SLC6A5: variants seen among roughly 807,000 people sequenced by gnomAD.
SLC6A5 encodes the protein solute carrier family 6 member 5, also known as sodium- and chloride-dependent glycine transporter 2.
Under a neutral mutation model 90.5 loss-of-function variants are expected in SLC6A5, and 58 were observed. The observed-to-expected ratio is 0.64, with a 90% CI of 0.52 to 0.80. The LOEUF (loss-of-function observed/expected upper bound fraction) is 0.80, where lower values mean the gene tolerates loss of function less well. SLC6A5 is among the 30% of genes least tolerant of loss of function. The probability of loss-of-function intolerance (pLI) is 0.00; values close to 1 mark genes in which losing one functional copy is unlikely to be tolerated. For synonymous variants in SLC6A5, 427 were observed against 401.4 expected, an observed-to-expected ratio of 1.06 and a Z score of -0.76; for missense variants, 1,015 against 1,017.6, an observed-to-expected ratio of 1.00 and a Z score of 0.03.
chr11:20,638,381 G>T (rs1463616495), intron 12 of SLC6A5, 78 bp from the exon 13 acceptor site: 2 of 871,956 alleles, frequency 2.3e-6, no homozygotes, highest in Admixed American at 1.7e-5. Flanking sequence ...AGGATTGAGA[G>T]AACTGGCTGT....
At chr11:20,627,306 G>A (rs189139622) in intron 8 of SLC6A5, among the ~76,000 whole-genome samples, 102 of 152,254 alleles carry the variant, frequency 6.7e-4, no homozygotes, top group Middle Eastern at 3.4e-3. Context: ...CTTTGTCTTT[G>A]CATATTCTGT....
chr11:20,611,432 G>C (rs761285457), intron 5 of SLC6A5, among the ~76,000 whole-genome samples: 2 of 152,204 alleles, frequency 1.3e-5, no homozygotes, highest in African/African-American at 2.4e-5. Context: ...CCTAGCCTGG[G>C]TGACACAGTG....
intron 5 of SLC6A5, among the ~76,000 whole-genome samples, chr11:20,613,971 CAT>C (rs199620956): frequency 0.017 from 2,537 of 152,310 alleles, 45 homozygotes; most frequent in Middle Eastern, 0.037. Context: ...AGACTTGCCA[CAT>C]GTTTCCTGGA....
intron 10 of SLC6A5, 137 bp downstream of exon 10, chr11:20,630,952 A>T (rs903941314): frequency 8.4e-6 from 8 of 949,476 alleles, no homozygotes; most frequent in Admixed American, 8.0e-5. Flanking sequence ...TTCTTTACAG[A>T]GGGACCAAGG....
chr11:20,643,268 T>C (rs543380022), intron 13 of SLC6A5, among the ~76,000 whole-genome samples: 3 of 152,042 alleles, frequency 2.0e-5, no homozygotes, highest in African/African-American at 7.2e-5. Flanking sequence ...CTGCTGTTGG[T>C]GCTTTATATA....
chr11:20,609,073 C>T (rs957343887), intron 5 of SLC6A5, among the ~76,000 whole-genome samples: 3 of 151,958 alleles, frequency 2.0e-5, no homozygotes, highest in Non-Finnish European at 4.4e-5. Context: ...CTCTGGCTTC[C>T]AGTCTGGCTC....
intron 10 of SLC6A5, among the ~76,000 whole-genome samples, chr11:20,631,486 T>G (rs375135412): frequency 6.6e-6 from 1 of 152,224 alleles, no homozygotes; most frequent in African/African-American, 2.4e-5. Context: ...AGAGCTTTCA[T>G]TTTTATTTCA....
chr11:20,605,575 G>C (rs1852563025), intron 3 of SLC6A5, among the ~76,000 whole-genome samples: 1 of 152,246 alleles, frequency 6.6e-6, no homozygotes, highest in Non-Finnish European at 1.5e-5. Context: ...CTCAGGCCAG[G>C]ATGCTACAAC....
At chr11:20,638,397 G>A (rs1159930339) in intron 12 of SLC6A5, 62 bp from the exon 13 acceptor site, 8 of 1,003,902 alleles carry the variant, frequency 8.0e-6, no homozygotes, top group Admixed American at 6.8e-5. Context: ...GCTGTTAAAC[G>A]TGGGAAGAGA....
At chr11:20,635,316 T>G (rs1349762939) in intron 10 of SLC6A5, among the ~76,000 whole-genome samples, 1 of 152,180 alleles carries the variant, frequency 6.6e-6, no homozygotes, top group East Asian at 1.9e-4. Context: ...GTTGCACAGA[T>G]GGTAAGTCAC....
In SLC6A5 at chr11:20,607,523, T is replaced by C. The variant is rs752732733; in HGVS notation, c.856T>C (p.Tyr286His). Residue 286 changes from tyrosine to histidine, a missense_variant, in exon 5 of 16, where the codon TAC (tyrosine) becomes CAC (histidine). By Grantham distance (83) the Tyr-to-His change is moderately conservative. Around this residue, in one of 3 missense-constraint regions of SLC6A5, gnomAD observed 567 missense variants for 507.3 expected, o/e 1.12. Coordinates refer to ENST00000525748, the MANE Select transcript of SLC6A5 (RefSeq NM_004211.5). ...MLIISVLIAI[Y>H]YNVIICYTLF... ...GATCATCTCTGTCCTAATAGCCATA[T>C]ACTACAATGTGATTATTTGCTATAC... 9 of 1,614,112 alleles carry C rather than the reference T, an allele frequency of 5.6e-6. No individual in the cohort carries two copies. The highest frequency in any genetic ancestry group is 1.1e-5 in the South Asian group (1 of 91,092).
chr11:20,627,348 C>G (rs1327873772), intron 8 of SLC6A5, among the ~76,000 whole-genome samples: 1 of 152,166 alleles, frequency 6.6e-6, no homozygotes, highest in East Asian at 1.9e-4. Context: ...ATTTCCAATT[C>G]AAAAACTACA....
intron 3 of SLC6A5, among the ~76,000 whole-genome samples, chr11:20,604,735 G>A (rs916485590): frequency 5.3e-5 from 8 of 152,170 alleles, no homozygotes; most frequent in Non-Finnish European, 7.3e-5. Flanking sequence ...TAGCGGTCAA[G>A]TGTTCAGAGA....
intron 13 of SLC6A5, among the ~76,000 whole-genome samples, chr11:20,644,181 T>C (rs1274701928): frequency 6.6e-6 from 1 of 152,228 alleles, no homozygotes; most frequent in African/African-American, 2.4e-5. Context: ...CATATACTTA[T>C]CATTTATTCC....
At chr11:20,626,916 A>G (rs1853008247) in intron 8 of SLC6A5, 74 bp downstream of exon 8, 1 of 1,244,296 alleles carries the variant, frequency 8.0e-7, no homozygotes, top group African/African-American at 1.5e-5. Context: ...AAAGGGTTAG[A>G]CTTCCTCCTC....
At chr11:20,628,675 T>C (rs1853049729) in intron 9 of SLC6A5, among the ~76,000 whole-genome samples, 1 of 152,214 alleles carries the variant, frequency 6.6e-6, no homozygotes, top group Non-Finnish European at 1.5e-5. Context: ...TAACAGACTA[T>C]GGTATTTAAA....
At chr11:20,612,492 T>C (rs1018768596) in intron 5 of SLC6A5, among the ~76,000 whole-genome samples, 1 of 152,326 alleles carries the variant, frequency 6.6e-6, no homozygotes, top group East Asian at 1.9e-4. Flanking sequence ...TGGGAGTCCA[T>C]GCACCAGATC....
At chr11:20,603,122 T>C (rs1036493751) in intron 2 of SLC6A5, among the ~76,000 whole-genome samples, 5 of 152,250 alleles carry the variant, frequency 3.3e-5, no homozygotes, top group Middle Eastern at 3.4e-3. Context: ...CCTTTCTCTC[T>C]CCCTAAGACT....
intron 14 of SLC6A5, among the ~76,000 whole-genome samples, chr11:20,652,070 T>C (rs1034246622): frequency 6.6e-6 from 1 of 152,194 alleles, no homozygotes; most frequent in Admixed American, 6.5e-5. Flanking sequence ...TCCGCTCCCA[T>C]GGTTTGGCAA....
Sources: allele counts gnomAD v4.1 joint callset (sites outside exome capture counted in the v4.1 genomes callset), GRCh38; gene constraint gnomAD v4.1.1; regional missense constraint gnomAD v4.1.1; transcripts MANE v1.5; gene names NCBI Gene and HGNC (gene_info 2026-07-23, HGNC 2026-07-21).